Variants in NLRP1 observed in about 807,000 individuals in gnomAD.
NLRP1 encodes the protein NLR family pyrin domain containing 1.
Under a neutral mutation model 136.7 loss-of-function variants are expected in NLRP1, and 94 were observed. The observed-to-expected ratio is 0.69, with a 90% CI of 0.58 to 0.82. The LOEUF (loss-of-function observed/expected upper bound fraction) is 0.82, where lower values mean the gene tolerates loss of function less well. Ranked by LOEUF, NLRP1 falls within the 40% of genes least tolerant of loss-of-function variation. The pLI, the probability that NLRP1 is intolerant of heterozygous loss-of-function variation, is 0.00. For synonymous variants in NLRP1, 690 were observed against 725.1 expected (o/e 0.95, Z 0.78); for missense variants, 1,575 against 1,802.7 (o/e 0.87, Z 2.29).
Position 5,560,000 on chromosome 17 carries a change from G to T in NLRP1, c.696C>A (p.Pro232=). The change falls in exon 4 of 17, where the codon CCC becomes CCA. Residue 232 remains proline, a synonymous_variant. Transcript: ENST00000572272. ...GCGTTCCTACCACCGCTGCCCATGG[G>T]GGCCTGCCTTTCTCTGATTTCTCTC... The part of the protein sequence containing the change: ...REREKSEKGR[P]PWAAVVGTPP... The T allele has an allele frequency of 6.3e-7, 1 of 1,585,822 alleles. No homozygotes were observed. Among genetic ancestry groups the T allele is most frequent in the Non-Finnish European group, 8.6e-7 (1 of 1,168,670 alleles).
chr17:5,519,692 C>T (rs1908646710), intron 14 of NLRP1, among the ~76,000 whole-genome samples: 1 of 152,052 alleles, frequency 6.6e-6, no homozygotes, highest in South Asian at 2.1e-4. Context: ...AGGTGATCCA[C>T]CCGCCTTGGT....
At position 5,517,859 on chromosome 17, in the gene NLRP1, C is replaced by T; in HGVS notation, c.3944G>A (p.Gly1315Glu). The T allele has an allele frequency of 1.9e-6, 3 of 1,614,152 alleles. No homozygotes were observed. The highest frequency in any genetic ancestry group is 2.5e-6 in the Non-Finnish European group (3 of 1,180,016). The change falls in exon 15 of 17, where the codon GGA (glycine) becomes GAA (glutamate). Residue 1315 changes from glycine (G) to glutamate (E), a missense_variant. Gly to Glu is a moderately conservative substitution (Grantham distance 98, BLOSUM62 -2). Transcript: ENST00000572272. ...GAACTCCGAGAACAGCTGGTCTTCTCCAGGGCTTCGATAGCAGAGCTCCAG... is the reference window on the plus strand; with the variant it reads ...GAACTCCGAGAACAGCTGGTCTTCTTCAGGGCTTCGATAGCAGAGCTCCAG... The part of the protein sequence containing the change: ...KELELCYRSP[G>E]EDQLFSEFYV...
chr17:5,572,668 C>T (rs544802785), intron 3 of NLRP1, among the ~76,000 whole-genome samples: 1 of 148,158 alleles, frequency 6.7e-6, no homozygotes, highest in African/African-American at 2.5e-5. Context: ...AGAGATCTCA[C>T]CACTGCATTC....
At chr17:5,560,122 C>G (rs919722590) in intron 3 of NLRP1, 79 bp from the exon 4 acceptor site, 1 of 1,310,616 alleles carries the variant, frequency 7.6e-7, no homozygotes, top group Non-Finnish European at 1.0e-6. Context: ...CTGTTTTAGG[C>G]ACCTACTCCA....
intron 6 of NLRP1, among the ~76,000 whole-genome samples, chr17:5,540,572 T>G (rs141607655): frequency 6.6e-6 from 1 of 152,210 alleles, no homozygotes; most frequent in African/African-American, 2.4e-5. Flanking sequence ...AGGTCAGACC[T>G]GGCTTCAAAT....
intron 7 of NLRP1, among the ~76,000 whole-genome samples, chr17:5,539,200 A>G (rs1194588449): frequency 6.6e-6 from 1 of 152,136 alleles, no homozygotes; most frequent in Non-Finnish European, 1.5e-5. Flanking sequence ...ATTTTATTTC[A>G]TTACAATCCA....
In NLRP1 at chr17:5,560,027, C is replaced by A; in HGVS notation, c.669G>T (p.Glu223Asp). Residue 223 changes from glutamate (E) to aspartate (D), a missense_variant, in exon 4 of 17, where the codon GAG becomes GAT. By Grantham distance (45) the Glu-to-Asp change is conservative (BLOSUM62 2). Coordinates refer to ENST00000572272, the MANE Select transcript of NLRP1 (RefSeq NM_033004.4). ...GIYYTEIRER[E>D]REKSEKGRPP... ...GCCTGCCTTTCTCTGATTTCTCTCTCTCTCTTTCTCTGATTTCTAAGTAAG... is the reference window on the plus strand; with the variant it reads ...GCCTGCCTTTCTCTGATTTCTCTCTATCTCTTTCTCTGATTTCTAAGTAAG... 1.9e-6 allele frequency: 3 copies of A among 1,561,420 alleles called. No individual in the cohort carries two copies. The highest frequency in any genetic ancestry group is 1.9e-4 in the Middle Eastern group (1 of 5,184).
At chr17:5,542,480 G>A (rs1273606895) in intron 5 of NLRP1, among the ~76,000 whole-genome samples, 1 of 152,038 alleles carries the variant, frequency 6.6e-6, no homozygotes, top group Admixed American at 6.5e-5. Context: ...GACACCTCAT[G>A]GGGTGCTCCT....
At chr17:5,581,815 C>G in intron 3 of NLRP1, 44 bp downstream of exon 3, 1 of 1,511,258 alleles carries the variant, frequency 6.6e-7, no homozygotes, top group Non-Finnish European at 9.2e-7. Flanking sequence ...ATACATTTGC[C>G]TCTCCCACCT....
At chr17:5,516,215 C>A (rs528067363) in intron 15 of NLRP1, among the ~76,000 whole-genome samples, 1 of 152,178 alleles carries the variant, frequency 6.6e-6, no homozygotes, top group Admixed American at 6.5e-5. Context: ...GTTGTGGTAC[C>A]AGGAGCACCG....
chr17:5,545,906 C>T (rs1912604577), intron 5 of NLRP1, among the ~76,000 whole-genome samples: 1 of 152,220 alleles, frequency 6.6e-6, no homozygotes, highest in Non-Finnish European at 1.5e-5. Flanking sequence ...CTCATCTCAG[C>T]ATAAACAAAT....
chr17:5,575,842 G>A (rs1169525247), intron 3 of NLRP1, among the ~76,000 whole-genome samples: 5 of 152,094 alleles, frequency 3.3e-5, no homozygotes, highest in Non-Finnish European at 7.4e-5. Flanking sequence ...CACACATTGC[G>A]CTTATTCCAA....
intron 3 of NLRP1, among the ~76,000 whole-genome samples, chr17:5,581,078 G>A (rs1292254228): frequency 6.6e-6 from 1 of 152,178 alleles, no homozygotes; most frequent in East Asian, 1.9e-4. Context: ...AAATCTACAA[G>A]TTCACTCCTT....
In NLRP1 at chr17:5,584,249, A is replaced by G. The variant is rs115855796; in HGVS notation, c.-292T>C. The G allele has an allele frequency of 6.9e-3, 3,482 of 501,854 alleles. 96 individuals are homozygous for G. The highest frequency in any genetic ancestry group is 0.06 in the African/African-American group (3,083 of 51,634). The allele number at this position is 501,854 out of a possible 1,614,324, so 31.1% of individuals were successfully genotyped here. A position where few individuals can be genotyped will look rare whatever the true frequency, so the allele number is the denominator to read the frequency against. On this transcript the variant is annotated 5_prime_UTR_variant, in exon 1 of 17. Transcript: ENST00000572272. ...GGGCCAGGCAGGGAGGGTGAGGGTG[A>G]GGGGAGATGTGGTGACGGGAGATGG...
downstream of NLRP1, among the ~76,000 whole-genome samples, chr17:5,513,354 A>T (rs1907760178): frequency 6.6e-6 from 1 of 152,162 alleles, no homozygotes; most frequent in African/African-American, 2.4e-5. Flanking sequence ...GGCCTCCCAA[A>T]GTGTTAAGAT....
chr17:5,583,598 G>T lies in NLRP1; in HGVS notation c.271+89C>A. The T allele has an allele frequency of 1.5e-6, 2 of 1,330,918 alleles. No individual in the cohort carries two copies. Among genetic ancestry groups the T allele is most frequent in the Non-Finnish European group, 1.0e-6 (1 of 979,802 alleles). 82.4% of individuals were successfully genotyped at this position (1,330,918 alleles called of 1,614,324 possible). A position where few individuals can be genotyped will look rare whatever the true frequency, so the allele number is the denominator to read the frequency against. On this transcript the variant is annotated intron_variant, in intron 1 of 16. Coordinates refer to ENST00000572272, the MANE Select transcript of NLRP1 (RefSeq NM_033004.4). The surrounding 1 kb of genome is among the most constrained non-coding windows in gnomAD (Gnocchi z 4.5). ...ACTGCTCAGAGGAAGGCCTGGCAGGGAGGGCTCAGTGGTGGGGTCCCAAGA... is the reference window on the plus strand; with the variant it reads ...ACTGCTCAGAGGAAGGCCTGGCAGGTAGGGCTCAGTGGTGGGGTCCCAAGA...
intron 7 of NLRP1, among the ~76,000 whole-genome samples, chr17:5,538,949 A>G (rs931049300): frequency 6.6e-6 from 1 of 152,056 alleles, no homozygotes; most frequent in Non-Finnish European, 1.5e-5. Context: ...GCTGTGATCT[A>G]AGCTCACTGC....
chr17:5,504,174 G>T lies in NLRP1; in HGVS notation c.4070-2302C>A. ...CAGCAGCAGCCAATCACTGGCCACC[G>T]ACTGTGTGCTGGGAACTGTGCTCAA... On this transcript the variant is annotated intron_variant, in intron 15 of 15. Coordinates refer to the NLRP1 transcript ENST00000262467. This position sits in a 1 kb window ranked among gnomAD's most constrained non-coding sequence, Gnocchi z 4.4. 6.4e-6 allele frequency: 1 copy of T among 156,966 alleles called. No homozygotes were observed. Among genetic ancestry groups the T allele is most frequent in the South Asian group, 1.7e-4 (1 of 5,772 alleles). The allele number at this position is 156,966 out of a possible 1,614,324, so 9.7% of individuals were successfully genotyped here.
At chr17:5,544,377 G>C (rs1009515677) in intron 5 of NLRP1, among the ~76,000 whole-genome samples, 18 of 152,204 alleles carry the variant, frequency 1.2e-4, no homozygotes, top group African/African-American at 4.3e-4. Context: ...ATGCATCCTG[G>C]CAATACCCTG....
Sources: allele counts gnomAD v4.1 joint callset (sites outside exome capture counted in the v4.1 genomes callset), GRCh38; gene constraint gnomAD v4.1.1; non-coding constraint Gnocchi (gnomAD v3.1); transcripts MANE v1.5; gene names NCBI Gene and HGNC (gene_info 2026-07-23, HGNC 2026-07-21).